Variants in DLG2 observed in about 807,000 individuals in gnomAD.
DLG2 encodes discs large MAGUK scaffold protein 2.
DLG2 carries 45 observed loss-of-function variants against 132.5 expected under a neutral mutation model. That is an observed-to-expected ratio of 0.34 (90% CI 0.27 to 0.44). DLG2 has a LOEUF of 0.44. DLG2 is among the 20% of genes least tolerant of loss of function. The pLI, the probability that DLG2 is intolerant of heterozygous loss-of-function variation, is 1.00. For missense variants in DLG2, 1,045 were observed against 1,196.9 expected, an observed-to-expected ratio of 0.87 and a Z score of 1.87; for synonymous variants, 424 against 419.6, an observed-to-expected ratio of 1.01 and a Z score of -0.13.
chr11:85,421,309 G>A (rs1371126100), intron 3 of DLG2, among the ~76,000 whole-genome samples: 1 of 151,916 alleles, frequency 6.6e-6, no homozygotes, highest in Non-Finnish European at 1.5e-5. Context: ...GATGAGCTGG[G>A]TACCTCAGTT....
intron 6 of DLG2, chr11:85,021,086 G>T: frequency 1.3e-6 from 1 of 775,020 alleles, no homozygotes; most frequent in South Asian, 1.3e-5. Flanking sequence ...GTTTTATCTT[G>T]GTCAACTCCT....
intron 18 of DLG2, among the ~76,000 whole-genome samples, chr11:83,740,402 C>G (rs1347429649): frequency 6.6e-6 from 1 of 152,082 alleles, no homozygotes; most frequent in African/African-American, 2.4e-5. Context: ...AAACCAGACA[C>G]AAAAGATTAT....
chr11:85,166,304 G>A (rs573079507), intron 4 of DLG2, among the ~76,000 whole-genome samples: 3 of 152,046 alleles, frequency 2.0e-5, no homozygotes, highest in African/African-American at 7.2e-5. Flanking sequence ...CTTCATCTAG[G>A]CTTTAGGAAG....
At chr11:83,634,375 T>G (rs2064252524) in intron 18 of DLG2, among the ~76,000 whole-genome samples, 1 of 152,196 alleles carries the variant, frequency 6.6e-6, no homozygotes. Flanking sequence ...AGAAACGGCT[T>G]TTGATGTTTC....
At chr11:84,114,397 C>T (rs1365302690) in intron 9 of DLG2, among the ~76,000 whole-genome samples, 1 of 152,070 alleles carries the variant, frequency 6.6e-6, no homozygotes, top group East Asian at 1.9e-4. Flanking sequence ...TAGTATTAGC[C>T]AGCATTATAA....
intron 8 of DLG2, among the ~76,000 whole-genome samples, chr11:84,223,516 G>A (rs1211620867): frequency 1.3e-5 from 2 of 149,296 alleles, no homozygotes; most frequent in Non-Finnish European, 3.0e-5. Context: ...AGGCACACAT[G>A]TCTTTCTCAT....
At chr11:85,014,413 A>C (rs1051753226) in intron 6 of DLG2, among the ~76,000 whole-genome samples, 1 of 152,180 alleles carries the variant, frequency 6.6e-6, no homozygotes, top group Admixed American at 6.6e-5. Context: ...CTTAAGGATG[A>C]CTTGCTTTCA....
chr11:84,278,076 C>G (rs2097802753), intron 7 of DLG2, among the ~76,000 whole-genome samples: 1 of 101,464 alleles, frequency 9.9e-6, no homozygotes, highest in Non-Finnish European at 1.9e-5. Flanking sequence ...TTTTTTGAGA[C>G]AGGGTCTCAC....
chr11:83,731,141 G>GT (rs2153700179), intron 18 of DLG2, among the ~76,000 whole-genome samples: 1 of 151,734 alleles, frequency 6.6e-6, no homozygotes, highest in East Asian at 1.9e-4. Context: ...TTTTTCTTTT[G>GT]TAAGTTCAGA....
intron 11 of DLG2, among the ~76,000 whole-genome samples, chr11:84,053,368 A>G (rs2096437227): frequency 6.6e-6 from 1 of 151,956 alleles, no homozygotes; most frequent in African/African-American, 2.4e-5. Flanking sequence ...GCCAACCACC[A>G]TGGCACACGT....
rs1436366280 is a variant in DLG2, at chr11:84,063,350, A to G, written c.750-3866T>C. 2.6e-5 allele frequency among the ~76,000 whole-genome samples: 4 copies of G among 152,238 alleles called. No homozygotes were observed. The East Asian group carries it at 5.8e-4, about 22-fold the overall frequency. ...GCATTCCTTGCCAAAAATATTTTAGAAACAAAAAGGATAGTCTATCGGTAG... is the reference window on the plus strand; with the variant it reads ...GCATTCCTTGCCAAAAATATTTTAGGAACAAAAAGGATAGTCTATCGGTAG... On this transcript the variant is annotated intron_variant, in intron 10 of 27. Transcript: ENST00000376104.
intron 8 of DLG2, among the ~76,000 whole-genome samples, chr11:84,190,032 G>A (rs1039856380): frequency 2.0e-5 from 3 of 151,756 alleles, no homozygotes; most frequent in Non-Finnish European, 4.4e-5. Context: ...AGGACAAACC[G>A]CACAGTAAGG....
At chr11:85,491,727 A>G (rs2093564153) in intron 3 of DLG2, among the ~76,000 whole-genome samples, 1 of 152,116 alleles carries the variant, frequency 6.6e-6, no homozygotes, top group Non-Finnish European at 1.5e-5. Flanking sequence ...AAACTAAAAC[A>G]CTGGTTAAAG....
intron 26 of DLG2, 138 bp downstream of exon 26, chr11:83,466,570 C>T: frequency 1.9e-6 from 1 of 519,186 alleles, no homozygotes; most frequent in South Asian, 4.1e-5. Context: ...GATATATCTT[C>T]AAAAAAAGAG....
At chr11:85,380,613 T>A (rs1332764921) in intron 3 of DLG2, among the ~76,000 whole-genome samples, 1 of 152,068 alleles carries the variant, frequency 6.6e-6, no homozygotes, top group Non-Finnish European at 1.5e-5. Flanking sequence ...TGAGTCAAGA[T>A]TGCACCATTG....
At chr11:84,409,173 A>T (rs755579223) in intron 7 of DLG2, among the ~76,000 whole-genome samples, 1 of 152,134 alleles carries the variant, frequency 6.6e-6, no homozygotes, top group Non-Finnish European at 1.5e-5. Flanking sequence ...TTCTGCTCTG[A>T]GTGCTTCTCT....
intron 8 of DLG2, among the ~76,000 whole-genome samples, chr11:84,205,832 A>G (rs898621923): frequency 1.2e-4 from 19 of 152,116 alleles, no homozygotes; most frequent in African/African-American, 4.6e-4. Context: ...AAAGAAAATA[A>G]TGAAGGACAG....
chr11:83,888,341 C>G (rs1221962952), intron 15 of DLG2, among the ~76,000 whole-genome samples: 1 of 152,010 alleles, frequency 6.6e-6, no homozygotes, highest in Non-Finnish European at 1.5e-5. Context: ...GAGTGAACTC[C>G]CATTCACAAT....
intron 15 of DLG2, among the ~76,000 whole-genome samples, chr11:83,903,241 A>C (rs1253834573): frequency 6.6e-6 from 1 of 152,114 alleles, no homozygotes; most frequent in African/African-American, 2.4e-5. Flanking sequence ...TAAACTCCCT[A>C]ATAATTAGAC....
Sources: allele counts gnomAD v4.1 joint callset (sites outside exome capture counted in the v4.1 genomes callset), GRCh38; gene constraint gnomAD v4.1.1; transcripts MANE v1.5; gene names NCBI Gene and HGNC (gene_info 2026-07-23, HGNC 2026-07-21).